The following GAB2 variants were observed in gnomAD, a reference collection of about 807,000 sequenced individuals.
The protein encoded by GAB2 is GRB2-associated-binding protein 2.
GAB2 carries 26 observed loss-of-function variants against 65.5 expected under a neutral mutation model. That is an observed-to-expected ratio of 0.40 (90% confidence interval 0.29 to 0.55). The LOEUF is 0.55. Among genes scored for constraint, GAB2 ranks in the 20% least tolerant of loss-of-function variants. The probability of loss-of-function intolerance (pLI) is 0.53; values close to 1 mark genes in which losing one functional copy is unlikely to be tolerated. For synonymous variants in GAB2, 321 were observed against 329.6 expected (o/e 0.97, Z 0.28); for missense variants, 884 against 875.8 (o/e 1.01, Z -0.12).
chr11:78,299,294 CATCT>C (rs1866926297), intron 1 of GAB2, among the ~76,000 whole-genome samples: 8 of 152,274 alleles, frequency 5.3e-5, no homozygotes, highest in African/African-American at 1.7e-4. Context: ...GCCATTTCCT[CATCT>C]ATAACGTACA....
Position 78,384,295 on chromosome 11 carries a change from T to A in GAB2, c.75+33351A>T, listed in dbSNP as rs561303154. On this transcript the variant is annotated intron_variant, in intron 1 of 9. Coordinates refer to ENST00000361507, the MANE Select transcript of GAB2 (RefSeq NM_080491.3). Reference sequence around the variant, plus strand: ...GACCAACAGGTCTGTGAAAGAGAACTCCAGTCAGAGTAAGAAATACAGCAC... The same window carrying A: ...GACCAACAGGTCTGTGAAAGAGAACACCAGTCAGAGTAAGAAATACAGCAC... Among the ~76,000 whole-genome samples the A allele has an allele frequency of 2.0e-4, 31 of 152,216 alleles. No individual in the cohort carries two copies. In the South Asian group the frequency reaches 5.2e-3, roughly 25 times the overall value.
intron 1 of GAB2, among the ~76,000 whole-genome samples, chr11:78,346,256 G>C (rs1437179336): frequency 1.3e-5 from 2 of 152,148 alleles, no homozygotes; most frequent in African/African-American, 2.4e-5. Context: ...CCTTAAATAG[G>C]GCTCCATATT....
chr11:78,264,374 T>C (rs1054533121), intron 2 of GAB2, among the ~76,000 whole-genome samples: 1 of 150,864 alleles, frequency 6.6e-6, no homozygotes, highest in Non-Finnish European at 1.5e-5. Context: ...TTTGATGCCA[T>C]TGTGAAAGGA....
chr11:78,276,110 T>C (rs1432304723), intron 2 of GAB2, among the ~76,000 whole-genome samples: 6 of 85,198 alleles, frequency 7.0e-5, no homozygotes, highest in African/African-American at 2.7e-4. Context: ...CAAGACTGTC[T>C]CAAAAAAAAA....
At chr11:78,388,760 G>A (rs1245996418) in intron 1 of GAB2, among the ~76,000 whole-genome samples, 1 of 152,132 alleles carries the variant, frequency 6.6e-6, no homozygotes, top group African/African-American at 2.4e-5. Flanking sequence ...TTCAAAATAA[G>A]CAAATGCAAT....
chr11:78,283,465 T>C (rs1866384141), intron 1 of GAB2, among the ~76,000 whole-genome samples: 1 of 152,218 alleles, frequency 6.6e-6, no homozygotes, highest in African/African-American at 2.4e-5. Flanking sequence ...GATCCCACAA[T>C]TCTTCACCAA....
chr11:78,346,172 C>T (rs1007188851), intron 1 of GAB2, among the ~76,000 whole-genome samples: 9 of 152,184 alleles, frequency 5.9e-5, no homozygotes, highest in Non-Finnish European at 1.0e-4. Context: ...TACAATTCTT[C>T]ACCCTTCATG....
At chr11:78,406,550 G>C (rs1159904337) in intron 1 of GAB2, among the ~76,000 whole-genome samples, 1 of 152,060 alleles carries the variant, frequency 6.6e-6, no homozygotes, top group Admixed American at 6.5e-5. Flanking sequence ...GGTAATTTTT[G>C]TATTTTCAGT....
intron 1 of GAB2, among the ~76,000 whole-genome samples, chr11:78,416,054 A>G (rs1350941162): frequency 6.6e-6 from 1 of 152,082 alleles, no homozygotes; most frequent in Non-Finnish European, 1.5e-5. Flanking sequence ...ATTATTTATA[A>G]AATTGTTAAT....
intron 1 of GAB2, among the ~76,000 whole-genome samples, chr11:78,302,917 T>C (rs1867071600): frequency 6.6e-6 from 1 of 152,252 alleles, no homozygotes; most frequent in Non-Finnish European, 1.5e-5. Context: ...ATGGAGACTA[T>C]TATTCTAAGT....
intron 1 of GAB2, among the ~76,000 whole-genome samples, chr11:78,318,985 C>T (rs906486498): frequency 7.2e-5 from 11 of 152,128 alleles, no homozygotes; most frequent in Non-Finnish European, 1.6e-4. Flanking sequence ...GCAACCTCAT[C>T]CCCTAACAAT....
chr11:78,341,547 C>T (rs1856095342), intron 1 of GAB2, among the ~76,000 whole-genome samples: 1 of 152,176 alleles, frequency 6.6e-6, no homozygotes, highest in East Asian at 1.9e-4. Flanking sequence ...AATGATCCTG[C>T]ACTAGGGTCA....
intron 1 of GAB2, among the ~76,000 whole-genome samples, chr11:78,379,660 G>C (rs775260390): frequency 6.6e-6 from 1 of 152,216 alleles, no homozygotes; most frequent in African/African-American, 2.4e-5. Flanking sequence ...ACTGTTGAGA[G>C]TGTCTTACAG....
intron 2 of GAB2, among the ~76,000 whole-genome samples, chr11:78,276,082 C>T (rs1164509111): frequency 6.7e-6 from 1 of 149,494 alleles, no homozygotes; most frequent in African/African-American, 2.5e-5. Flanking sequence ...CCACTGCATT[C>T]CAGCCTGGAC....
At chr11:78,381,674 T>TAA (rs35326292) in intron 1 of GAB2, among the ~76,000 whole-genome samples, 2,153 of 145,510 alleles carry the variant, frequency 0.015, 45 homozygotes, top group Admixed American at 0.041. Flanking sequence ...GGTAAATAGA[T>TAA]AAAAAAAAAA....
At chr11:78,252,019 G>T (rs1236239335) in intron 2 of GAB2, among the ~76,000 whole-genome samples, 1 of 152,228 alleles carries the variant, frequency 6.6e-6, no homozygotes, top group East Asian at 1.9e-4. Context: ...GTAATCTTAG[G>T]CAGTATGATA....
chr11:78,280,994 C>T (rs1866319499), intron 1 of GAB2, 93 bp from the exon 2 acceptor site: 3 of 1,081,530 alleles, frequency 2.8e-6, no homozygotes, highest in Non-Finnish European at 4.1e-6. Flanking sequence ...TGCCCTGTTG[C>T]CCAGGCTGGA....
intron 1 of GAB2, among the ~76,000 whole-genome samples, chr11:78,394,215 G>C (rs983344827): frequency 6.6e-6 from 1 of 152,194 alleles, no homozygotes; most frequent in African/African-American, 2.4e-5. Context: ...GTGAACCCAG[G>C]AGGCGGAGGT....
At position 78,225,069 on chromosome 11, in the gene GAB2, C is replaced by T. The variant is rs776602601; in HGVS notation, c.1302+39G>A. 6.0e-6 allele frequency: 8 copies of T among 1,332,648 alleles called. No homozygotes were observed. The African/African-American group carries it at 7.3e-5, about 12-fold the overall frequency. The allele number at this position is 1,332,648 out of a possible 1,614,324, so 82.6% of individuals were successfully genotyped here. On this transcript the variant is annotated intron_variant, in intron 5 of 9. Coordinates refer to ENST00000361507, the MANE Select transcript of GAB2 (RefSeq NM_080491.3). ...CATAAGGTGTGACCTTTTACCTAAC[C>T]AGGCCGGCCTGAGGACCCTTGGGTT...
Sources: gnomAD v4.1 joint callset for allele counts (sites outside exome capture counted in the v4.1 genomes callset) on GRCh38, gnomAD v4.1.1 for gene constraint, MANE v1.5 for transcripts, NCBI Gene and HGNC (gene_info 2026-07-23, HGNC 2026-07-21) for gene names.